Variants in LAT2 observed in about 807,000 individuals in gnomAD.
LAT2 encodes the protein linker for activation of T cells family member 2, also known as linker for activation of T-cells family member 2.
LAT2 carries 23 observed loss-of-function variants against 43.4 expected under a neutral mutation model. The observed-to-expected ratio is 0.53, with a 90% CI of 0.38 to 0.75. The LOEUF is 0.75. Ranked by LOEUF, LAT2 falls within the 30% of genes least tolerant of loss-of-function variation. The pLI is 0.00. For missense variants in LAT2, 284 were observed against 310.2 expected (o/e 0.92, Z 0.64); for synonymous variants, 128 against 123.2 (o/e 1.04, Z -0.26).
intron 1 of LAT2, among the ~76,000 whole-genome samples, chr7:74,214,047 T>A (rs947071147): frequency 4.5e-5 from 6 of 133,174 alleles, no homozygotes; most frequent in African/African-American, 1.4e-4. Context: ...TATGTATATA[T>A]ATATATATAT....
chr7:74,214,227 A>AAAATATATATGAAAATATATATAT (rs1801873683), intron 1 of LAT2, among the ~76,000 whole-genome samples: 1 of 97,120 alleles, frequency 1.0e-5, no homozygotes, highest in East Asian at 2.9e-4. Flanking sequence ...TATATATATG[A>AAAATATATATGAAAATATATATAT]AAATATATAT....
intron 1 of LAT2, among the ~76,000 whole-genome samples, chr7:74,211,072 C>CT (rs1554713063): frequency 6.6e-6 from 1 of 152,210 alleles, no homozygotes; most frequent in African/African-American, 2.4e-5. Flanking sequence ...AAACTGCCCA[C>CT]TTCCCTTTAG....
At chr7:74,210,940 C>A (rs1482433847) in intron 1 of LAT2, among the ~76,000 whole-genome samples, 1 of 152,152 alleles carries the variant, frequency 6.6e-6, no homozygotes, top group African/African-American at 2.4e-5. Context: ...TCGGAGAAGG[C>A]TGGGAGAACC....
intron 10 of LAT2, among the ~76,000 whole-genome samples, chr7:74,223,291 G>C (rs373034640): frequency 2.0e-5 from 3 of 152,290 alleles, no homozygotes; most frequent in Admixed American, 6.5e-5. Context: ...AGGGGTTCAA[G>C]ACCAGCCTGG....
chr7:74,216,219 C>T (rs1802042095), intron 3 of LAT2, 150 bp downstream of exon 3: 1 of 634,952 alleles, frequency 1.6e-6, no homozygotes, highest in East Asian at 2.9e-5. Context: ...CCCCTGAAGA[C>T]AATGGTCAGG....
Position 74,224,139 on chromosome 7 carries a change from T to C in LAT2, c.570T>C (p.Ser190=). ...CCTCCCCGGAAGAAGATGAGGAATC[T>C]GAGGATTATCAGAACTCAGCATCCA... ...PSASPEEDEE[S]EDYQNSASIH... The change falls in exon 12 of 14, where the codon TCT becomes TCC. Residue 190 remains serine (S), a synonymous_variant. Transcript: ENST00000460943. The C allele has an allele frequency of 6.2e-7, 1 of 1,614,164 alleles. No individual in the cohort carries two copies. The highest frequency in any genetic ancestry group is 2.2e-5 in the East Asian group (1 of 44,872).
At chr7:74,221,859 TA>T (rs1385927039) in intron 10 of LAT2, among the ~76,000 whole-genome samples, 167 bp downstream of exon 10, 1 of 97,756 alleles carries the variant, frequency 1.0e-5, no homozygotes, top group African/African-American at 4.1e-5. Flanking sequence ...CAAGAAGGGA[TA>T]GGGGGCGGGC....
intron 4 of LAT2, among the ~76,000 whole-genome samples, chr7:74,218,364 C>T (rs782647950): frequency 6.6e-6 from 1 of 152,220 alleles, no homozygotes; most frequent in Non-Finnish European, 1.5e-5. Context: ...GCTTGGAAGG[C>T]TGGGCCAGGT....
chr7:74,217,078 C>T (rs1335543451), intron 4 of LAT2, among the ~76,000 whole-genome samples: 5 of 152,088 alleles, frequency 3.3e-5, no homozygotes, highest in Admixed American at 1.3e-4. Flanking sequence ...CTTTGGGAGG[C>T]GGGGACGCCT....
chr7:74,217,525 G>A (rs938920726), intron 4 of LAT2, among the ~76,000 whole-genome samples: 4 of 152,202 alleles, frequency 2.6e-5, no homozygotes, highest in Admixed American at 6.5e-5. Flanking sequence ...GGGCTAGTCC[G>A]CTCTCCCCTT....
chr7:74,223,736 A>T lies in LAT2; in HGVS notation c.401A>T (p.Asn134Ile). ...CTCTCTCCTGCAGATGATGATGCCA[A>T]TTCCTACGAGAATGTGCTCATTTGC... ...FSKPPEDDDA[N>I]SYENVLICKQ... Residue 134 changes from asparagine to isoleucine, a missense_variant, in exon 11 of 14, where the codon AAT becomes ATT. By Grantham distance (149) the Asn-to-Ile change is moderately radical. Transcript: ENST00000460943. The T allele has an allele frequency of 6.2e-7, 1 of 1,613,816 alleles. No homozygotes were observed. The highest frequency in any genetic ancestry group is 8.5e-7 in the Non-Finnish European group (1 of 1,179,930).
intron 1 of LAT2, 31 bp from the exon 2 acceptor site, chr7:74,214,791 A>ATATTTTTTTTTT (rs1278478546): frequency 2.5e-5 from 2 of 79,400 alleles, no homozygotes; most frequent in African/African-American, 6.3e-5. Context: ...ATATATATAT[A>ATATTTTTTTTTT]TTTTTTTTTT....
In LAT2 at chr7:74,219,787, T is replaced by C; in HGVS notation, c.178T>C (p.Leu60=). The change falls in exon 5 of 14, where the codon TTG becomes CTG. Residue 60 remains leucine (L), a splice_region_variant and synonymous_variant. Transcript: ENST00000460943. ...CTTTACGGGGTCCCGGACCTACTCC[T>C]GTGAGTCTCCAAGTGTCCCCGGGTT... The part of the protein sequence containing the change: ...QSFTGSRTYS[L]VGQAWPGPLA... 3.1e-6 allele frequency: 5 copies of C among 1,614,080 alleles called. No homozygotes were observed. The highest frequency in any genetic ancestry group is 4.2e-6 in the Non-Finnish European group (5 of 1,180,010).
Position 74,220,470 on chromosome 7 carries a change from C to T in LAT2, c.266-114C>T, listed in dbSNP as rs2116154962. The T allele has an allele frequency of 5.0e-6, 7 of 1,390,884 alleles. No homozygotes were observed. Among genetic ancestry groups the T allele is most frequent in the Non-Finnish European group, 7.1e-6 (7 of 990,088 alleles). 86.2% of individuals were successfully genotyped at this position (1,390,884 alleles called of 1,614,324 possible). A position where few individuals can be genotyped will look rare whatever the true frequency, so the allele number is the denominator to read the frequency against. ...CATGCCCCACTGAGGGGACAGGGAG[C>T]ACTGCAAAGGCTCAGACACGGGAAA... is the stretch of plus-strand genomic sequence containing the variant. On this transcript the variant is annotated intron_variant, in intron 7 of 13. Transcript: ENST00000460943. The surrounding 1 kb of genome is among the most constrained non-coding windows in gnomAD (Gnocchi z 4.5).
chr7:74,220,574 T>C lies in LAT2; in HGVS notation c.266-10T>C, dbSNP rs782433312. 3.7e-6 allele frequency: 6 copies of C among 1,613,990 alleles called. No homozygotes were observed. The highest frequency in any genetic ancestry group is 5.1e-6 in the Non-Finnish European group (6 of 1,179,936). The stretch of plus-strand genomic sequence containing the variant: ...AGGGGAGAAAGCAATTAGCTGGGTC[T>C]TTCTTCCAGATCCAGCATCTTCCAG... On this transcript the variant is annotated splice_polypyrimidine_tract_variant and intron_variant, in intron 7 of 13. Transcript: ENST00000460943. This position sits in a 1 kb window ranked among gnomAD's most constrained non-coding sequence, Gnocchi z 4.5.
rs1338241315 is a variant in LAT2, at chr7:74,214,775, AAATATATATATATATATT to A, written c.-218-46_-218-29del. The A allele has an allele frequency of 4.9e-4, 8 of 16,238 alleles. No homozygotes were observed. In the East Asian group the frequency reaches 0.011, roughly 23 times the overall value. The allele number at this position is 16,238 out of a possible 1,614,324, so 1.0% of individuals were successfully genotyped here. A position where few individuals can be genotyped will look rare whatever the true frequency, so the allele number is the denominator to read the frequency against. On this transcript the variant is annotated intron_variant, in intron 1 of 13. Coordinates refer to ENST00000460943, the MANE Select transcript of LAT2 (RefSeq NM_032464.3). Reference sequence around the variant, plus strand: ...TATATATATATAAACATATATATATAAATATATATATATATATTTTTTTTTTTTTTTGTATTTTTTTTG... The same window carrying A: ...TATATATATATAAACATATATATATATTTTTTTTTTTTTGTATTTTTTTTG...
chr7:74,214,797 T>A lies in LAT2; in HGVS notation c.-218-25T>A, dbSNP rs1390483144. On this transcript the variant is annotated intron_variant, in intron 1 of 13. Transcript: ENST00000460943. Reference sequence around the variant, plus strand: ...TATAAATATATATATATATATTTTTTTTTTTTTTTGTATTTTTTTTGTAGA... The same window carrying A: ...TATAAATATATATATATATATTTTTATTTTTTTTTGTATTTTTTTTGTAGA... 192 of 112,166 alleles carry A rather than the reference T, an allele frequency of 1.7e-3. 3 individuals carry two copies. The highest frequency in any genetic ancestry group is 5.8e-3 in the African/African-American group (151 of 26,228). The allele number at this position is 112,166 out of a possible 1,614,324, so 6.9% of individuals were successfully genotyped here. A position where few individuals can be genotyped will look rare whatever the true frequency, so the allele number is the denominator to read the frequency against.
intron 4 of LAT2, 87 bp downstream of exon 4, chr7:74,216,951 C>A: frequency 8.8e-7 from 1 of 1,139,252 alleles, no homozygotes; most frequent in Non-Finnish European, 1.3e-6. Context: ...CCCCATCCTT[C>A]ACCCCTTCAC....
Position 74,220,954 on chromosome 7 carries a change from G to A in LAT2, c.332+220G>A, listed in dbSNP as rs977588473. On this transcript the variant is annotated intron_variant, in intron 9 of 13. Coordinates refer to ENST00000460943, the MANE Select transcript of LAT2 (RefSeq NM_032464.3). The surrounding 1 kb of genome is among the most constrained non-coding windows in gnomAD (Gnocchi z 4.5). ...TGTCTCTTAGGTAACCCTGGGTTTG[G>A]GGGACTGGACTTTGCCCTGCTCTGG... Among the ~76,000 whole-genome samples the A allele has an allele frequency of 3.3e-5, 5 of 152,164 alleles. No individual in the cohort carries two copies. Among genetic ancestry groups the A allele is most frequent in the Non-Finnish European group, 7.4e-5 (5 of 68,020 alleles).
Sources: gnomAD v4.1 joint callset for allele counts (sites outside exome capture counted in the v4.1 genomes callset) on GRCh38, gnomAD v4.1.1 for gene constraint, Gnocchi (gnomAD v3.1) non-coding constraint, MANE v1.5 for transcripts, NCBI Gene and HGNC (gene_info 2026-07-23, HGNC 2026-07-21) for gene names.